The following ERBB4 variants were observed in gnomAD, a reference collection of about 807,000 sequenced individuals.
ERBB4 encodes receptor tyrosine-protein kinase erbB-4.
ERBB4 carries 42 observed loss-of-function variants against 158.0 expected under a neutral mutation model. The observed-to-expected ratio is 0.27, with a 90% CI of 0.21 to 0.34. The LOEUF (loss-of-function observed/expected upper bound fraction) is 0.34, where lower values mean the gene tolerates loss of function less well. ERBB4 is among the 10% of genes least tolerant of loss of function. The pLI is 1.00. For synonymous variants in ERBB4, 583 were observed against 558.7 expected (o/e 1.04, Z -0.61); for missense variants, 1,333 against 1,624.1 (o/e 0.82, Z 3.08).
At chr2:211,827,524 G>C (rs115587696) in intron 3 of ERBB4, among the ~76,000 whole-genome samples, 6,694 of 151,352 alleles carry the variant, frequency 0.044, 254 homozygotes, top group Non-Finnish European at 0.066. Context: ...ATTCATGTTG[G>C]GATTTTATTT....
At chr2:212,086,358 CAA>C (rs76096908) in intron 2 of ERBB4, among the ~76,000 whole-genome samples, 37 of 127,900 alleles carry the variant, frequency 2.9e-4, no homozygotes, top group Admixed American at 3.2e-4. Context: ...TTCTCCCCAC[CAA>C]AAAAAAAAAA....
intron 1 of ERBB4, among the ~76,000 whole-genome samples, chr2:212,310,199 A>G (rs1209469543): frequency 8.6e-5 from 13 of 150,794 alleles, no homozygotes; most frequent in Non-Finnish European, 1.8e-4. Flanking sequence ...TGTTATAACT[A>G]TAATTATTAA....
At chr2:211,669,583 T>A (rs1418726375) in intron 14 of ERBB4, among the ~76,000 whole-genome samples, 1 of 152,094 alleles carries the variant, frequency 6.6e-6, no homozygotes, top group Non-Finnish European at 1.5e-5. Flanking sequence ...TTATAAAAAA[T>A]TAAATAAAAT....
At chr2:212,057,196 A>G (rs892644155) in intron 2 of ERBB4, among the ~76,000 whole-genome samples, 3 of 152,226 alleles carry the variant, frequency 2.0e-5, no homozygotes, top group Admixed American at 1.3e-4. Flanking sequence ...GCATTACATA[A>G]TGGTAAAGGG....
intron 1 of ERBB4, among the ~76,000 whole-genome samples, chr2:212,258,613 GATATATATA>G (rs901850373): frequency 5.5e-4 from 81 of 147,864 alleles, no homozygotes; most frequent in Non-Finnish European, 8.9e-4. Context: ...AAATATATAA[GATATATATA>G]ATATATATAA....
At chr2:212,526,164 A>T (rs2106328536) in intron 1 of ERBB4, among the ~76,000 whole-genome samples, 1 of 152,154 alleles carries the variant, frequency 6.6e-6, no homozygotes, top group East Asian at 1.9e-4. Flanking sequence ...GACAAACTTC[A>T]TCTGTACTTC....
At chr2:212,060,890 C>T (rs1484521594) in intron 2 of ERBB4, among the ~76,000 whole-genome samples, 1 of 151,036 alleles carries the variant, frequency 6.6e-6, no homozygotes, top group East Asian at 2.0e-4. Context: ...AGCACACCAA[C>T]ATGGCGCCTG....
intron 2 of ERBB4, among the ~76,000 whole-genome samples, chr2:211,963,136 C>G (rs530100844): frequency 6.6e-6 from 1 of 152,076 alleles, no homozygotes; most frequent in South Asian, 2.1e-4. Flanking sequence ...TGGTTCTCAA[C>G]TGGGGTGTTT....
At chr2:212,485,715 T>C (rs1353401235) in intron 1 of ERBB4, among the ~76,000 whole-genome samples, 1 of 151,878 alleles carries the variant, frequency 6.6e-6, no homozygotes, top group Non-Finnish European at 1.5e-5. Flanking sequence ...AACAAATAAG[T>C]TTATTATTAT....
rs1330214811 is a variant in ERBB4, at chr2:211,420,436, C to T, written c.3135+5G>A. The T allele has an allele frequency of 1.3e-6, 2 of 1,596,882 alleles. No individual in the cohort carries two copies. Among genetic ancestry groups the T allele is most frequent in the South Asian group, 2.2e-5 (2 of 90,580 alleles). ...ATATGATATGTGTATATAATTATTT[C>T]TTACCCTATTCGAGTCAATTCTTGC... On this transcript the variant is annotated splice_donor_5th_base_variant and intron_variant, in intron 25 of 27. Coordinates refer to ENST00000342788, the MANE Select transcript of ERBB4 (RefSeq NM_005235.3).
At chr2:212,504,239 T>A (rs1448340465) in intron 1 of ERBB4, among the ~76,000 whole-genome samples, 1 of 152,176 alleles carries the variant, frequency 6.6e-6, no homozygotes, top group East Asian at 1.9e-4. Flanking sequence ...TAAATCTTAT[T>A]TTTAGACATC....
intron 19 of ERBB4, among the ~76,000 whole-genome samples, chr2:211,585,330 C>T (rs895580269): frequency 4.0e-5 from 5 of 124,698 alleles, no homozygotes; most frequent in Non-Finnish European, 6.3e-5. Flanking sequence ...CCAGCCTGGG[C>T]GAGAGAGCGA....
At chr2:211,412,997 T>A (rs1419466308) in intron 25 of ERBB4, among the ~76,000 whole-genome samples, 1 of 150,816 alleles carries the variant, frequency 6.6e-6, no homozygotes, top group Non-Finnish European at 1.5e-5. Context: ...TTGAACAATT[T>A]AAAAAATTTC....
chr2:212,490,073 G>A (rs1690188478), intron 1 of ERBB4, among the ~76,000 whole-genome samples: 1 of 151,686 alleles, frequency 6.6e-6, no homozygotes, highest in African/African-American at 2.4e-5. Flanking sequence ...GAATGATCTG[G>A]GCTAATTAGA....
intron 19 of ERBB4, among the ~76,000 whole-genome samples, chr2:211,586,174 C>T: frequency 6.6e-6 from 1 of 152,086 alleles, no homozygotes; most frequent in South Asian, 2.1e-4. Context: ...CAAACAAAAA[C>T]AAAACTGATC....
chr2:212,103,047 A>C (rs2079128393), intron 2 of ERBB4, among the ~76,000 whole-genome samples: 1 of 152,002 alleles, frequency 6.6e-6, no homozygotes, highest in Non-Finnish European at 1.5e-5. Context: ...TCTCTCCATC[A>C]ATCCATCTCT....
At chr2:212,484,322 C>T (rs1418323990) in intron 1 of ERBB4, among the ~76,000 whole-genome samples, 1 of 152,158 alleles carries the variant, frequency 6.6e-6, no homozygotes, top group Non-Finnish European at 1.5e-5. Context: ...CCTCTCCTTG[C>T]ATGAACCAAG....
At chr2:212,099,473 T>G (rs886934400) in intron 2 of ERBB4, among the ~76,000 whole-genome samples, 3 of 152,192 alleles carry the variant, frequency 2.0e-5, no homozygotes, top group African/African-American at 4.8e-5. Context: ...GTGATAAATG[T>G]ACCCTTTGAA....
At position 212,065,771 on chromosome 2, in the gene ERBB4, A is replaced by T. The variant is rs1460470959; in HGVS notation, c.234+58981T>A. On this transcript the variant is annotated intron_variant, in intron 2 of 27. Coordinates refer to ENST00000342788, the MANE Select transcript of ERBB4 (RefSeq NM_005235.3). ...TATTCACTGCTCATCAGTGAAAGTC[A>T]GGGAACGGAGTACAGTCACTTTCTA... 2.0e-5 allele frequency among the ~76,000 whole-genome samples: 3 copies of T among 152,092 alleles called. No homozygotes were observed. In the East Asian group the frequency reaches 5.8e-4, roughly 29 times the overall value.
Sources: allele counts gnomAD v4.1 joint callset (sites outside exome capture counted in the v4.1 genomes callset), GRCh38; gene constraint gnomAD v4.1.1; transcripts MANE v1.5; gene names NCBI Gene and HGNC (gene_info 2026-07-23, HGNC 2026-07-21).